BACH2: variants seen among roughly 807,000 people sequenced by gnomAD.
BACH2 encodes transcription regulator protein BACH2.
BACH2 carries 5 observed loss-of-function variants against 61.8 expected under a neutral mutation model. The ratio of observed to expected loss-of-function variants is 0.08; its 90% CI spans 0.04 to 0.17. The LOEUF (loss-of-function observed/expected upper bound fraction) is 0.17. Ranked by LOEUF, BACH2 falls within the 10% of genes least tolerant of loss-of-function variation. BACH2 has a pLI of 1.00. For missense variants in BACH2, 824 were observed against 1,091.1 expected (o/e 0.76, Z 3.45); for synonymous variants, 446 against 440.1 (o/e 1.01, Z -0.17).
chr6:90,144,238 C>A (rs948129323), intron 4 of BACH2, among the ~76,000 whole-genome samples: 3 of 152,130 alleles, frequency 2.0e-5, no homozygotes, highest in Admixed American at 6.5e-5. Flanking sequence ...TTGTGTACAA[C>A]ACAAAGAAAA....
chr6:90,208,171 A>G (rs1769216229), intron 3 of BACH2, among the ~76,000 whole-genome samples: 1 of 152,234 alleles, frequency 6.6e-6, no homozygotes, highest in East Asian at 1.9e-4. Flanking sequence ...CTAAAATACC[A>G]AAAGCAATGG....
At chr6:90,216,886 G>A (rs1311166049) in intron 3 of BACH2, among the ~76,000 whole-genome samples, 2 of 152,098 alleles carry the variant, frequency 1.3e-5, no homozygotes, top group African/African-American at 4.8e-5. Context: ...ACCACGTACA[G>A]GACACACCCC....
At chr6:90,016,181 T>A (rs924349130) in intron 5 of BACH2, among the ~76,000 whole-genome samples, 2 of 152,110 alleles carry the variant, frequency 1.3e-5, no homozygotes, top group Admixed American at 6.6e-5. Flanking sequence ...GTAAGTAACA[T>A]ATAATTGGGT....
chr6:90,144,425 G>C (rs886090718), intron 4 of BACH2, among the ~76,000 whole-genome samples: 2 of 152,216 alleles, frequency 1.3e-5, no homozygotes, highest in African/African-American at 4.8e-5. Context: ...GGAGCCAAGA[G>C]AAGAGCTGGA....
chr6:89,959,844 C>T (rs372035992), intron 6 of BACH2, among the ~76,000 whole-genome samples: 55 of 152,280 alleles, frequency 3.6e-4, no homozygotes, highest in African/African-American at 1.3e-3. Context: ...GTTTCCTAGG[C>T]TCTTTTGCTG....
At position 90,187,368 on chromosome 6, in the gene BACH2, C is replaced by T. The variant is rs992497605; in HGVS notation, c.-162+19201G>A. ...TACTTCTCTCATTTACTATGGTACA[C>T]GAATATACTTAGTTTAATTGTCTTG... On this transcript the variant is annotated intron_variant, in intron 4 of 8. Coordinates refer to ENST00000257749, the MANE Select transcript of BACH2 (RefSeq NM_021813.4). 1.9e-4 allele frequency among the ~76,000 whole-genome samples: 29 copies of T among 152,268 alleles called. 1 individual carries two copies. Among genetic ancestry groups the T allele is most frequent in the African/African-American group, 7.0e-4 (29 of 41,548 alleles).
intron 3 of BACH2, among the ~76,000 whole-genome samples, chr6:90,247,483 T>C (rs1770677311): frequency 2.0e-5 from 3 of 151,684 alleles, no homozygotes; most frequent in Admixed American, 6.6e-5. Flanking sequence ...CCCACCTCAA[T>C]CTCCCAAAGT....
At chr6:90,233,608 T>A (rs1247637100) in intron 3 of BACH2, among the ~76,000 whole-genome samples, 1 of 152,234 alleles carries the variant, frequency 6.6e-6, no homozygotes, top group Non-Finnish European at 1.5e-5. Flanking sequence ...GGGGTTTATG[T>A]GAGGATTACA....
At chr6:90,214,796 CT>C (rs1769477287) in intron 3 of BACH2, among the ~76,000 whole-genome samples, 1 of 123,478 alleles carries the variant, frequency 8.1e-6, no homozygotes, top group African/African-American at 3.0e-5. Flanking sequence ...GGGTCTCACT[CT>C]GTCGCCCAGG....
At chr6:90,141,626 C>T (rs1029269116) in intron 4 of BACH2, among the ~76,000 whole-genome samples, 2 of 151,422 alleles carry the variant, frequency 1.3e-5, no homozygotes, top group African/African-American at 4.9e-5. Flanking sequence ...CAAAGACAAA[C>T]AGCTTTGCTA....
intron 3 of BACH2, among the ~76,000 whole-genome samples, chr6:90,212,060 A>T (rs922062424): frequency 2.0e-5 from 3 of 152,168 alleles, no homozygotes; most frequent in African/African-American, 7.2e-5. Flanking sequence ...TGCATCTAGG[A>T]CTTAGAAACT....
chr6:89,954,380 T>C (rs1192200669), intron 6 of BACH2, among the ~76,000 whole-genome samples: 2 of 151,774 alleles, frequency 1.3e-5, no homozygotes, highest in African/African-American at 2.4e-5. Flanking sequence ...ACATGTGTCA[T>C]GCTGGTGTGC....
At chr6:89,988,295 C>T (rs890574618) in intron 6 of BACH2, among the ~76,000 whole-genome samples, 1 of 152,150 alleles carries the variant, frequency 6.6e-6, no homozygotes, top group Non-Finnish European at 1.5e-5. Context: ...ATGAGTTTCC[C>T]TCACTGAAAA....
chr6:89,952,280 G>C (rs1306029854), intron 6 of BACH2, among the ~76,000 whole-genome samples: 6 of 152,156 alleles, frequency 3.9e-5, no homozygotes, highest in Non-Finnish European at 8.8e-5. Context: ...GCCCAAGAGA[G>C]CCTTAACGTT....
At chr6:90,013,576 G>T (rs1181039770) in intron 5 of BACH2, among the ~76,000 whole-genome samples, 2 of 149,238 alleles carry the variant, frequency 1.3e-5, no homozygotes. Flanking sequence ...GCGCGATCTC[G>T]GCTCACTGCA....
At chr6:90,256,770 G>A (rs922222569) in intron 2 of BACH2, among the ~76,000 whole-genome samples, 2 of 152,092 alleles carry the variant, frequency 1.3e-5, no homozygotes, top group African/African-American at 4.8e-5. Flanking sequence ...GTTAAGAGCA[G>A]CTAAAATCTC....
Position 90,006,355 on chromosome 6 carries a change from C to T in BACH2, c.243+2247G>A, listed in dbSNP as rs544594065. Among the ~76,000 whole-genome samples, 3 of 152,320 alleles carry T rather than the reference C, an allele frequency of 2.0e-5. No individual in the cohort carries two copies. In the East Asian group the frequency reaches 5.8e-4, roughly 29 times the overall value. On this transcript the variant is annotated intron_variant, in intron 6 of 8. Transcript: ENST00000257749. ...CTAGTTAAGTATGTCCCCAACAGCG[C>T]AGTTAAGGAAAGGCCAGCTCAGGAT...
In BACH2 at chr6:90,081,766, G is replaced by A. The variant is rs186073817; in HGVS notation, c.-13+7195C>T. Among the ~76,000 whole-genome samples the A allele has an allele frequency of 2.0e-5, 3 of 151,972 alleles. No individual in the cohort carries two copies. The East Asian group carries it at 5.8e-4, about 29-fold the overall frequency. On this transcript the variant is annotated intron_variant, in intron 5 of 8. Coordinates refer to ENST00000257749, the MANE Select transcript of BACH2 (RefSeq NM_021813.4). ...GCTTACTAAATACTTCCTATTCTAC[G>A]GACATAAAGTTTGTGGATTACAATT... is the stretch of plus-strand genomic sequence containing the variant.
intron 4 of BACH2, among the ~76,000 whole-genome samples, chr6:90,138,843 A>G (rs1420401650): frequency 2.6e-5 from 4 of 152,038 alleles, no homozygotes; most frequent in Non-Finnish European, 5.9e-5. Flanking sequence ...CAATACCAAG[A>G]CCCCACTTTA....
Sources: allele counts gnomAD v4.1 joint callset (sites outside exome capture counted in the v4.1 genomes callset), GRCh38; gene constraint gnomAD v4.1.1; transcripts MANE v1.5; gene names NCBI Gene and HGNC (gene_info 2026-07-23, HGNC 2026-07-21).